Variants in TAFA2 observed in about 807,000 individuals in gnomAD.
The protein encoded by TAFA2 is chemokine-like protein TAFA-2.
In TAFA2, 7 loss-of-function variants were observed where a neutral mutation model predicts 18.8. The ratio of observed to expected loss-of-function variants is 0.37; its 90% CI spans 0.21 to 0.70. TAFA2 has a LOEUF of 0.70. Among genes scored for constraint, TAFA2 ranks in the 30% least tolerant of loss-of-function variants. TAFA2 has a pLI of 0.53. For missense variants in TAFA2, 122 were observed against 158.1 expected, an observed-to-expected ratio of 0.77 and a Z score of 1.23; for synonymous variants, 60 against 54.2, an observed-to-expected ratio of 1.11 and a Z score of -0.47.
intron 1 of TAFA2, among the ~76,000 whole-genome samples, chr12:62,152,299 T>A (rs2062333879): frequency 6.6e-6 from 1 of 152,192 alleles, no homozygotes; most frequent in Non-Finnish European, 1.5e-5. Flanking sequence ...AAATGTCAGT[T>A]TCTTACACAG....
intron 1 of TAFA2, among the ~76,000 whole-genome samples, chr12:62,131,093 A>T (rs1870664282): frequency 6.6e-6 from 1 of 152,028 alleles, no homozygotes; most frequent in South Asian, 2.1e-4. Context: ...TCTATAGCTC[A>T]TTGGCTTTTG....
rs138050564 is a variant in TAFA2, at chr12:62,053,002, G to A, written c.-2+138257C>T. Among the ~76,000 whole-genome samples, 549 of 152,248 alleles carry A rather than the reference G, an allele frequency of 3.6e-3. 3 individuals are homozygous for A. The highest frequency in any genetic ancestry group is 0.013 in the African/African-American group (528 of 41,548). On this transcript the variant is annotated intron_variant, in intron 1 of 4. Transcript: ENST00000416284. ...GAAAAGGTGAAAAGGTTAGTGGGTC[G>A]TTGTCGTTTTTATTGCACAGAAATT... is the stretch of plus-strand genomic sequence containing the variant.
At chr12:62,105,038 G>A (rs1020001127) in intron 1 of TAFA2, 1 of 185,794 alleles carries the variant, frequency 5.4e-6, no homozygotes, top group Non-Finnish European at 1.1e-5. Context: ...TAAAGGAAGG[G>A]GGAAAGGTCT....
At chr12:61,777,511 A>T (rs545428960) in intron 2 of TAFA2, among the ~76,000 whole-genome samples, 27 of 151,822 alleles carry the variant, frequency 1.8e-4, no homozygotes, top group Non-Finnish European at 3.1e-4. Flanking sequence ...CAATGGTTTT[A>T]AGTAAAGTTA....
chr12:61,961,775 G>A lies in TAFA2; in HGVS notation c.-1-94349C>T, dbSNP rs574328777. Among the ~76,000 whole-genome samples, 307 of 152,030 alleles carry A rather than the reference G, an allele frequency of 2.0e-3. 1 individual carries two copies. The highest frequency in any genetic ancestry group is 6.8e-3 in the African/African-American group (284 of 41,518). ...GGTTCTTGTGTTTGTTTGTTTGTCC[G>A]GAGGGTAACATCCTTTCCACATTTC... On this transcript the variant is annotated intron_variant, in intron 1 of 4. Coordinates refer to ENST00000416284, the MANE Select transcript of TAFA2 (RefSeq NM_178539.5).
chr12:61,908,191 T>C (rs1405107471), intron 1 of TAFA2, among the ~76,000 whole-genome samples: 1 of 152,102 alleles, frequency 6.6e-6, no homozygotes, highest in Non-Finnish European at 1.5e-5. Context: ...AATGATATGG[T>C]TTGTGTCCCC....
At chr12:62,205,522 G>A (rs2062688192) in intron 1 of TAFA2, among the ~76,000 whole-genome samples, 1 of 152,190 alleles carries the variant, frequency 6.6e-6, no homozygotes, top group South Asian at 2.1e-4. Context: ...GTAAACCCCT[G>A]GCTGGAATTG....
intron 1 of TAFA2, among the ~76,000 whole-genome samples, chr12:61,966,532 C>T (rs1370667835): frequency 6.6e-6 from 1 of 151,864 alleles, no homozygotes; most frequent in East Asian, 1.9e-4. Context: ...CATATTCAAA[C>T]CATACCATTC....
At chr12:61,831,463 T>G (rs960272859) in intron 2 of TAFA2, among the ~76,000 whole-genome samples, 1 of 152,096 alleles carries the variant, frequency 6.6e-6, no homozygotes, top group South Asian at 2.1e-4. Flanking sequence ...CTACTTTGAT[T>G]GAAGCAGAGA....
At chr12:62,006,991 G>A (rs1053721216) in intron 1 of TAFA2, among the ~76,000 whole-genome samples, 1 of 152,162 alleles carries the variant, frequency 6.6e-6, no homozygotes, top group African/African-American at 2.4e-5. Context: ...TTTATGAGGT[G>A]TTAAGAAATG....
At chr12:61,897,436 A>G (rs746490494) in intron 1 of TAFA2, among the ~76,000 whole-genome samples, 1 of 152,200 alleles carries the variant, frequency 6.6e-6, no homozygotes. Context: ...TTATAAAAAA[A>G]AAGAAGTTTA....
chr12:62,246,940 T>C (rs1045291492), intron 1 of TAFA2, among the ~76,000 whole-genome samples: 2 of 151,716 alleles, frequency 1.3e-5, no homozygotes, highest in African/African-American at 4.8e-5. Flanking sequence ...TTTTTTTTAA[T>C]TAGGTATAAG....
chr12:61,724,047 G>A (rs957474290), intron 4 of TAFA2, among the ~76,000 whole-genome samples: 1 of 152,016 alleles, frequency 6.6e-6, no homozygotes, highest in Non-Finnish European at 1.5e-5. Context: ...GTTCACCATT[G>A]CCCCAAAATA....
intron 1 of TAFA2, among the ~76,000 whole-genome samples, chr12:61,945,784 C>A (rs915894637): frequency 7.0e-6 from 1 of 143,116 alleles, no homozygotes; most frequent in Non-Finnish European, 1.5e-5. Context: ...GAACTACAAA[C>A]CACTGCTCAA....
chr12:61,939,509 A>T (rs957627078), intron 1 of TAFA2, among the ~76,000 whole-genome samples: 2 of 151,152 alleles, frequency 1.3e-5, no homozygotes, highest in African/African-American at 2.5e-5. Flanking sequence ...AAATAAAAAT[A>T]AAAAAACCTT....
chr12:61,881,122 A>T (rs1592457396), intron 1 of TAFA2, among the ~76,000 whole-genome samples: 1 of 152,220 alleles, frequency 6.6e-6, no homozygotes, highest in Non-Finnish European at 1.5e-5. Flanking sequence ...GGGCCTATGA[A>T]AAAAGATGCC....
chr12:61,784,054 TG>T (rs1436199559), intron 2 of TAFA2, among the ~76,000 whole-genome samples: 3 of 151,556 alleles, frequency 2.0e-5, no homozygotes, highest in Admixed American at 6.6e-5. Flanking sequence ...ACCTATATTT[TG>T]TCCCCAAGGT....
chr12:61,974,516 T>C (rs1225601251), intron 1 of TAFA2, among the ~76,000 whole-genome samples: 3 of 151,868 alleles, frequency 2.0e-5, no homozygotes, highest in Non-Finnish European at 4.4e-5. Context: ...TTCACTTTCA[T>C]GTAAATATAT....
chr12:62,119,653 A>G (rs1263932715), intron 1 of TAFA2, among the ~76,000 whole-genome samples: 2 of 152,202 alleles, frequency 1.3e-5, no homozygotes, highest in Non-Finnish European at 2.9e-5. Flanking sequence ...TACCTTATAG[A>G]TAAGTAGGTC....
Sources: allele counts gnomAD v4.1 joint callset (sites outside exome capture counted in the v4.1 genomes callset), GRCh38; gene constraint gnomAD v4.1.1; transcripts MANE v1.5; gene names NCBI Gene and HGNC (gene_info 2026-07-23, HGNC 2026-07-21).